MAP3K15: variants seen among roughly 807,000 people sequenced by gnomAD.
MAP3K15 encodes MAPK/ERK kinase kinase 15.
MAP3K15 carries 124 observed loss-of-function variants against 99.5 expected under a neutral mutation model. That is an observed-to-expected ratio of 1.25 (90% confidence interval 1.08 to 1.45). The LOEUF is 1.45. Among genes scored for constraint, MAP3K15 ranks in the 40% most tolerant of loss-of-function variants. The pLI is 0.00. For synonymous variants in MAP3K15, 494 were observed against 439.6 expected, an observed-to-expected ratio of 1.12 and a Z score of -1.55; for missense variants, 1,242 against 1,079.7, an observed-to-expected ratio of 1.15 and a Z score of -2.11.
intron 1 of MAP3K15, among the ~76,000 whole-genome samples, chrX:19,513,937 T>C (rs765830500): frequency 9.1e-6 from 1 of 110,395 alleles, no homozygotes; most frequent in Non-Finnish European, 1.9e-5. Flanking sequence ...ACATTTATTA[T>C]AGTGAGTTTA....
chrX:19,485,804 A>G lies in MAP3K15; in HGVS notation c.525+678T>C, dbSNP rs144065737. Among the ~76,000 whole-genome samples the G allele has an allele frequency of 1.7e-3, 194 of 111,480 alleles. 1 individual carries two copies. In the East Asian group the frequency reaches 0.048, roughly 27 times the overall value. ...AGTCTAGGTCACGGTTTCTCAAACCACAATGCCATAGGTCTGGAGGGATGG... is the reference window on the plus strand; with the variant it reads ...AGTCTAGGTCACGGTTTCTCAAACCGCAATGCCATAGGTCTGGAGGGATGG... On this transcript the variant is annotated intron_variant, in intron 3 of 28. Transcript: ENST00000338883.
intron 1 of MAP3K15, among the ~76,000 whole-genome samples, chrX:19,498,131 GTATCA>G (rs67929163): frequency 0.23 from 25,732 of 111,223 alleles, 2,790 homozygotes; most frequent in African/African-American, 0.42. Context: ...GCTTTGGCAT[GTATCA>G]TATATTTCCT....
chrX:19,374,739 C>T (rs1393696042), intron 19 of MAP3K15, 79 bp from the exon 20 acceptor site: 15 of 897,723 alleles, frequency 1.7e-5, no homozygotes, highest in African/African-American at 1.6e-4. Flanking sequence ...GTCCAAAGCT[C>T]CTGTACACCT....
chrX:19,434,572 C>G (rs1194307257), intron 6 of MAP3K15, among the ~76,000 whole-genome samples: 1 of 111,262 alleles, frequency 9.0e-6, no homozygotes, highest in Non-Finnish European at 1.9e-5. Context: ...TTCCTGAGGA[C>G]ATGCACCTCA....
chrX:19,443,118 C>T (rs1455103810), intron 6 of MAP3K15, among the ~76,000 whole-genome samples: 1 of 94,943 alleles, frequency 1.1e-5, no homozygotes. Context: ...CTGCAACTTC[C>T]GCCTCCCGGG....
intron 18 of MAP3K15, among the ~76,000 whole-genome samples, chrX:19,390,879 C>A (rs190336629): frequency 1.8e-5 from 2 of 110,707 alleles, no homozygotes; most frequent in South Asian, 7.6e-4. Context: ...GTGATCTTTA[C>A]GTTACTCCTT....
intron 1 of MAP3K15, among the ~76,000 whole-genome samples, chrX:19,502,061 C>T (rs1242766359): frequency 8.9e-6 from 1 of 111,835 alleles, no homozygotes; most frequent in Non-Finnish European, 1.9e-5. Context: ...GACTCAGTCT[C>T]AAAAAGTAAT....
intron 1 of MAP3K15, among the ~76,000 whole-genome samples, chrX:19,501,829 G>A (rs1462418363): frequency 1.8e-5 from 2 of 112,013 alleles, no homozygotes; most frequent in South Asian, 3.7e-4. Flanking sequence ...ACTTTGGGAG[G>A]CTGAGGCAAG....
intron 4 of MAP3K15, 132 bp downstream of exon 4, chrX:19,464,081 C>T (rs2064149035): frequency 2.0e-6 from 1 of 510,180 alleles, no homozygotes; most frequent in Non-Finnish European, 3.1e-6. Flanking sequence ...AGTGGCCCAG[C>T]TAAGTGAGCC....
At chrX:19,400,278 T>C (rs751563447) in intron 14 of MAP3K15, among the ~76,000 whole-genome samples, 1 of 112,491 alleles carries the variant, frequency 8.9e-6, no homozygotes, top group East Asian at 2.8e-4. Context: ...AATTCTCTTG[T>C]AGTCTCACAG....
chrX:19,453,333 T>A (rs1356420747), intron 6 of MAP3K15, among the ~76,000 whole-genome samples: 1 of 109,483 alleles, frequency 9.1e-6, no homozygotes, highest in African/African-American at 3.3e-5. Flanking sequence ...AAACCTCGTC[T>A]CTACTAAAAT....
At chrX:19,483,280 T>C (rs1602343816) in intron 3 of MAP3K15, among the ~76,000 whole-genome samples, 1 of 103,209 alleles carries the variant, frequency 9.7e-6, no homozygotes, top group African/African-American at 3.6e-5. Context: ...AAAAAAGAAA[T>C]GGAGATAAAT....
chrX:19,373,699 T>C lies in MAP3K15; in HGVS notation c.2774-4A>G, dbSNP rs1444971274. ...AGGACGACACCGCGGGGACCTTCTG[T>C]AGGGGGACAGCCAGACACCGAATGG... On this transcript the variant is annotated splice_region_variant and splice_polypyrimidine_tract_variant and intron_variant, in intron 20 of 28. Coordinates refer to ENST00000338883, the MANE Select transcript of MAP3K15 (RefSeq NM_001001671.4). The C allele has an allele frequency of 8.4e-7, 1 of 1,195,785 alleles. No individual in the cohort carries two copies. Among genetic ancestry groups the C allele is most frequent in the Admixed American group, 2.2e-5 (1 of 45,569 alleles).
intron 16 of MAP3K15, among the ~76,000 whole-genome samples, chrX:19,394,165 A>C (rs1032517579): frequency 2.7e-5 from 3 of 111,521 alleles, no homozygotes; most frequent in Non-Finnish European, 5.6e-5. Flanking sequence ...GAAGATTTCT[A>C]ACTGAAGTTT....
At chrX:19,439,537 C>T (rs1456007807) in intron 6 of MAP3K15, among the ~76,000 whole-genome samples, 1 of 111,488 alleles carries the variant, frequency 9.0e-6, no homozygotes, top group African/African-American at 3.3e-5. Context: ...ATGGTCATAG[C>T]TCAACCACAG....
chrX:19,392,551 G>C, intron 16 of MAP3K15, 78 bp from the exon 17 acceptor site: 7 of 1,031,683 alleles, frequency 6.8e-6, no homozygotes, highest in Non-Finnish European at 8.0e-6. Context: ...GTGAGGTGAG[G>C]TTTCTAACCT....
Position 19,488,923 on chromosome X carries a change from G to A in MAP3K15, c.406C>T (p.Leu136Phe). The A allele has an allele frequency of 8.3e-7, 1 of 1,199,236 alleles. No individual in the cohort carries two copies. Among genetic ancestry groups the A allele is most frequent in the Non-Finnish European group, 1.1e-6 (1 of 894,471 alleles). Reference sequence around the variant, plus strand: ...TCTCGGACTCCAAGATGGTAGAAGAGGGAAGGCTGTCTGGAGACATCGCTC... The same window carrying A: ...TCTCGGACTCCAAGATGGTAGAAGAAGGAAGGCTGTCTGGAGACATCGCTC... ...DMSDVSRQPS[L>F]FYHLGVRESF... The change falls in exon 2 of 29, where the codon CTC becomes TTC. Residue 136 changes from leucine to phenylalanine, a missense_variant. Leu to Phe is a conservative substitution (Grantham distance 22, BLOSUM62 0). Transcript: ENST00000338883.
intron 1 of MAP3K15, among the ~76,000 whole-genome samples, chrX:19,493,742 C>G (rs1159569737): frequency 1.8e-5 from 2 of 111,292 alleles, no homozygotes; most frequent in African/African-American, 6.5e-5. Flanking sequence ...CAAGCACTGG[C>G]TTCACTAAGC....
chrX:19,508,611 G>T (rs2064496111), intron 1 of MAP3K15, among the ~76,000 whole-genome samples: 1 of 112,234 alleles, frequency 8.9e-6, no homozygotes, highest in African/African-American at 3.2e-5. Context: ...GACCGGGGGT[G>T]GTGGTTCACG....
Sources: allele counts gnomAD v4.1 joint callset (sites outside exome capture counted in the v4.1 genomes callset), GRCh38; gene constraint gnomAD v4.1.1; transcripts MANE v1.5; gene names NCBI Gene and HGNC (gene_info 2026-07-23, HGNC 2026-07-21).